IRAK2: variants seen among roughly 807,000 people sequenced by gnomAD.
IRAK2 encodes the protein interleukin-1 receptor-associated kinase-like 2.
A neutral mutation model predicts 72.0 loss-of-function variants in IRAK2; 57 were observed. The observed-to-expected ratio is 0.79, with a 90% CI of 0.64 to 0.99. The LOEUF is 0.99. Ranked by LOEUF, IRAK2 falls within the 50% of genes least tolerant of loss-of-function variation. The pLI is 0.00. For missense variants in IRAK2, 790 were observed against 794.4 expected (o/e 0.99, Z 0.07); for synonymous variants, 293 against 312.7 (o/e 0.94, Z 0.67).
intron 3 of IRAK2, among the ~76,000 whole-genome samples, chr3:10,203,331 G>C (rs1050863069): frequency 6.6e-6 from 1 of 152,054 alleles, no homozygotes; most frequent in Non-Finnish European, 1.5e-5. Flanking sequence ...TGGAGCAAAT[G>C]TGCCCAGGCA....
intron 10 of IRAK2, among the ~76,000 whole-genome samples, chr3:10,233,032 C>T (rs1016154358): frequency 1.3e-4 from 19 of 151,936 alleles, no homozygotes; most frequent in Admixed American, 5.9e-4. Flanking sequence ...TCACTGTGCC[C>T]GGCCTATTTT....
At position 10,189,443 on chromosome 3, in the gene IRAK2, T is replaced by C. The variant is rs559494372; in HGVS notation, c.278-10926T>C. ...CTTCCACCTGGGAGTATCCCCTGTT[T>C]TGGCCACTATATGGACTGGGGGGCT... On this transcript the variant is annotated intron_variant, in intron 2 of 12. Coordinates refer to ENST00000256458, the MANE Select transcript of IRAK2 (RefSeq NM_001570.4). Among the ~76,000 whole-genome samples the C allele has an allele frequency of 2.0e-4, 31 of 152,308 alleles. 1 individual carries two copies. In the South Asian group the frequency reaches 6.4e-3, roughly 32 times the overall value.
intron 10 of IRAK2, among the ~76,000 whole-genome samples, chr3:10,233,822 T>C (rs1416360184): frequency 6.6e-6 from 1 of 152,176 alleles, no homozygotes; most frequent in African/African-American, 2.4e-5. Flanking sequence ...CACTGTTTCA[T>C]TGAATGGTTG....
chr3:10,183,157 A>G (rs534080150), intron 2 of IRAK2, among the ~76,000 whole-genome samples: 1 of 152,344 alleles, frequency 6.6e-6, no homozygotes, highest in Admixed American at 6.5e-5. Context: ...AGTCCTGGAC[A>G]TGAAGTGGCT....
At chr3:10,173,830 A>T (rs779611422) in intron 1 of IRAK2, among the ~76,000 whole-genome samples, 4 of 152,174 alleles carry the variant, frequency 2.6e-5, no homozygotes, top group Admixed American at 6.5e-5. Context: ...GTCTGAAAAA[A>T]ACTAAATAAA....
Position 10,242,242 on chromosome 3 carries a change from G to C in IRAK2, c.*14G>C, listed in dbSNP as rs1403329603. On this transcript the variant is annotated 3_prime_UTR_variant, in exon 13 of 13. Coordinates refer to ENST00000256458, the MANE Select transcript of IRAK2 (RefSeq NM_001570.4). ...TTTGGCCCCTGATGACCGGAACACA[G>C]CTGAGGACCCTTGTCCTCAGTTGGA... The C allele has an allele frequency of 1.4e-6, 2 of 1,471,094 alleles. No individual in the cohort carries two copies. The highest frequency in any genetic ancestry group is 1.9e-6 in the Non-Finnish European group (2 of 1,057,124). 91.1% of individuals were successfully genotyped at this position (1,471,094 alleles called of 1,614,324 possible). A position where few individuals can be genotyped will look rare whatever the true frequency, so the allele number is the denominator to read the frequency against.
At chr3:10,173,870 T>G (rs1696833612) in intron 1 of IRAK2, among the ~76,000 whole-genome samples, 1 of 152,128 alleles carries the variant, frequency 6.6e-6, no homozygotes, top group Admixed American at 6.5e-5. Flanking sequence ...AAATGCTGAT[T>G]GGTCAACACC....
At position 10,194,582 on chromosome 3, in the gene IRAK2, T is replaced by A. The variant is rs1352725530; in HGVS notation, c.278-5787T>A. Among the ~76,000 whole-genome samples, 3 of 152,204 alleles carry A rather than the reference T, an allele frequency of 2.0e-5. No homozygotes were observed. In the East Asian group the frequency reaches 5.8e-4, roughly 29 times the overall value. Reference sequence around the variant, plus strand: ...TGTTCTATTTTTATTTCACTAGCTCTCTGGTGTGCCAGCCTGAATGAGTGG... The same window carrying A: ...TGTTCTATTTTTATTTCACTAGCTCACTGGTGTGCCAGCCTGAATGAGTGG... On this transcript the variant is annotated intron_variant, in intron 2 of 12. Coordinates refer to ENST00000256458, the MANE Select transcript of IRAK2 (RefSeq NM_001570.4).
At chr3:10,225,806 C>G (rs951111253) in intron 9 of IRAK2, among the ~76,000 whole-genome samples, 3 of 151,684 alleles carry the variant, frequency 2.0e-5, no homozygotes, top group Non-Finnish European at 4.4e-5. Context: ...TCACGCCATT[C>G]TCCTGCCTCA....
At chr3:10,214,073 C>T (rs1171523985) in intron 6 of IRAK2, among the ~76,000 whole-genome samples, 5 of 151,978 alleles carry the variant, frequency 3.3e-5, no homozygotes, top group African/African-American at 1.2e-4. Context: ...GGATTACAGG[C>T]GTGCGCCACC....
chr3:10,183,057 C>T (rs900944164), intron 2 of IRAK2, among the ~76,000 whole-genome samples: 12 of 152,196 alleles, frequency 7.9e-5, no homozygotes, highest in South Asian at 2.1e-4. Flanking sequence ...CAGCCGTGAG[C>T]CACCGCGCCT....
chr3:10,199,640 G>A (rs1044833608), intron 2 of IRAK2, among the ~76,000 whole-genome samples: 5 of 152,272 alleles, frequency 3.3e-5, no homozygotes, highest in African/African-American at 1.2e-4. Context: ...ACCCGCTCAC[G>A]TGTTCAGGGA....
At chr3:10,204,063 T>A (rs945184394) in intron 3 of IRAK2, among the ~76,000 whole-genome samples, 1 of 152,242 alleles carries the variant, frequency 6.6e-6, no homozygotes, top group East Asian at 1.9e-4. Flanking sequence ...GAGAGGCCAC[T>A]GGGCTATCAG....
At chr3:10,221,030 ATTTAC>A (rs1225640274) in intron 8 of IRAK2, among the ~76,000 whole-genome samples, 1 of 151,258 alleles carries the variant, frequency 6.6e-6, no homozygotes, top group African/African-American at 2.4e-5. Context: ...TTTGCCCATA[ATTTAC>A]TTAACCACTC....
chr3:10,237,689 C>T (rs1172336997), intron 11 of IRAK2, among the ~76,000 whole-genome samples: 1 of 151,496 alleles, frequency 6.6e-6, no homozygotes. Flanking sequence ...CACCTGTTGT[C>T]CCAGCTACTC....
chr3:10,241,268 A>C (rs1285164935), intron 12 of IRAK2, among the ~76,000 whole-genome samples: 1 of 151,838 alleles, frequency 6.6e-6, no homozygotes, highest in African/African-American at 2.4e-5. Context: ...AAAATTAGCC[A>C]GGTGTGGCCA....
chr3:10,175,641 G>A (rs1177242196), intron 1 of IRAK2, among the ~76,000 whole-genome samples: 1 of 152,052 alleles, frequency 6.6e-6, no homozygotes, highest in Non-Finnish European at 1.5e-5. Flanking sequence ...TGTAATCCCA[G>A]TACTTTGGGA....
At chr3:10,197,847 G>A (rs1470022274) in intron 2 of IRAK2, among the ~76,000 whole-genome samples, 9 of 144,040 alleles carry the variant, frequency 6.2e-5, no homozygotes, top group South Asian at 4.4e-4. Context: ...GTGAGACTCC[G>A]TCTCAAAAAA....
chr3:10,219,565 G>A (rs1697656222), intron 7 of IRAK2, 115 bp from the exon 8 acceptor site: 1 of 705,732 alleles, frequency 1.4e-6, no homozygotes, highest in Non-Finnish European at 2.5e-6. Context: ...TGATCTGCCT[G>A]CCTGGGCCTC....
Sources: allele counts gnomAD v4.1 joint callset (sites outside exome capture counted in the v4.1 genomes callset), GRCh38; gene constraint gnomAD v4.1.1; transcripts MANE v1.5; gene names NCBI Gene and HGNC (gene_info 2026-07-23, HGNC 2026-07-21).